Variants in FRMPD2 observed in about 807,000 individuals in gnomAD.
The protein encoded by FRMPD2 is FERM and PDZ domain-containing protein 2.
A neutral mutation model predicts 140.1 loss-of-function variants in FRMPD2; 96 were observed. That is an observed-to-expected ratio of 0.69 (90% confidence interval 0.58 to 0.81). The LOEUF (loss-of-function observed/expected upper bound fraction) is 0.81, where lower values mean the gene tolerates loss of function less well. FRMPD2 is among the 40% of genes least tolerant of loss of function. FRMPD2 has a pLI of 0.00. For missense variants in FRMPD2, 1,240 were observed against 1,447.4 expected (o/e 0.86, Z 2.32); for synonymous variants, 449 against 547.6 (o/e 0.82, Z 2.52).
chr10:48,161,113 C>G (rs2132385544), intron 28 of FRMPD2, among the ~76,000 whole-genome samples: 1 of 151,322 alleles, frequency 6.6e-6, no homozygotes, highest in South Asian at 2.1e-4. Flanking sequence ...ATACTGAGAA[C>G]AGTAAAGCTG....
At chr10:48,238,307 C>T (rs1269214918) in intron 7 of FRMPD2, among the ~76,000 whole-genome samples, 184 bp from the exon 8 acceptor site, 1 of 152,086 alleles carries the variant, frequency 6.6e-6, no homozygotes, top group Non-Finnish European at 1.5e-5. Flanking sequence ...CTGGAGAAGC[C>T]AGGCTGCACA....
At chr10:48,195,551 G>C (rs1191679417) in intron 15 of FRMPD2, among the ~76,000 whole-genome samples, 1 of 152,120 alleles carries the variant, frequency 6.6e-6, no homozygotes, top group African/African-American at 2.4e-5. Flanking sequence ...ACAATACTGG[G>C]CTTGAGATTG....
At chr10:48,168,084 C>A (rs1277540370) in intron 27 of FRMPD2, among the ~76,000 whole-genome samples, 1 of 147,742 alleles carries the variant, frequency 6.8e-6, no homozygotes, top group East Asian at 1.9e-4. Flanking sequence ...CACACACACA[C>A]ACTCATTCTA....
chr10:48,189,422 T>C (rs1275284926), intron 16 of FRMPD2, among the ~76,000 whole-genome samples: 1 of 152,260 alleles, frequency 6.6e-6, no homozygotes, highest in African/African-American at 2.4e-5. Flanking sequence ...AGGCAGCCAC[T>C]GGCACCACGT....
At chr10:48,269,578 G>T (rs1239114051) in intron 1 of FRMPD2, among the ~76,000 whole-genome samples, 2 of 152,222 alleles carry the variant, frequency 1.3e-5, no homozygotes, top group Non-Finnish European at 2.9e-5. Context: ...ACCTCTGGCT[G>T]ATGGGACTCA....
chr10:48,194,563 G>A (rs1018528669), intron 15 of FRMPD2, among the ~76,000 whole-genome samples: 12 of 152,210 alleles, frequency 7.9e-5, no homozygotes, highest in African/African-American at 2.9e-4. Flanking sequence ...AGACTGTACA[G>A]AGACTGTGAT....
At chr10:48,225,405 C>T (rs986979351) in intron 10 of FRMPD2, among the ~76,000 whole-genome samples, 1 of 152,196 alleles carries the variant, frequency 6.6e-6, no homozygotes, top group African/African-American at 2.4e-5. Flanking sequence ...GGACAGCCAG[C>T]CGCACAAGGA....
Position 48,222,423 on chromosome 10 carries a change from G to T in FRMPD2, c.1345C>A (p.Leu449Met). 1 of 1,614,114 alleles carries T rather than the reference G, an allele frequency of 6.2e-7. No homozygotes were observed. Among genetic ancestry groups the T allele is most frequent in the Non-Finnish European group, 8.5e-7 (1 of 1,179,980 alleles). ...TCCAGGATATCTTTCCGAAGCTGCA[G>T]GTAAAACTGGTGCCTTGTCAGGCTG... ...QHSLTRHQFY[L>M]QLRKDILEER... The change falls in exon 12 of 29, where the codon CTG (leucine) becomes ATG (methionine). Residue 449 changes from leucine (L) to methionine (M), a missense_variant. This residue lies in a region of FRMPD2 where 1,161 missense variants were observed against 1,055.9 expected (regional missense o/e 1.10). Transcript: ENST00000374201.
intron 10 of FRMPD2, among the ~76,000 whole-genome samples, chr10:48,230,151 T>C (rs1449889342): frequency 6.6e-6 from 1 of 152,242 alleles, no homozygotes; most frequent in Non-Finnish European, 1.5e-5. Context: ...TTGTATGTTA[T>C]CTATAGTTTA....
At chr10:48,200,337 A>C (rs1286540583) in intron 15 of FRMPD2, among the ~76,000 whole-genome samples, 1 of 152,106 alleles carries the variant, frequency 6.6e-6, no homozygotes, top group Non-Finnish European at 1.5e-5. Context: ...GCCTCCTCGA[A>C]TCAGGGCTCA....
intron 10 of FRMPD2, among the ~76,000 whole-genome samples, chr10:48,228,119 T>C (rs1318045898): frequency 6.6e-6 from 1 of 152,146 alleles, no homozygotes; most frequent in Non-Finnish European, 1.5e-5. Context: ...GGTTCTTTGC[T>C]TCTGTGGTAT....
intron 1 of FRMPD2, among the ~76,000 whole-genome samples, chr10:48,270,720 CCT>C (rs1193730703): frequency 6.6e-6 from 1 of 152,010 alleles, no homozygotes; most frequent in Admixed American, 6.6e-5. Context: ...CCTCTTTCAA[CCT>C]CTCTTATTTG....
chr10:48,274,092 A>G (rs1397038703), intron 1 of FRMPD2, among the ~76,000 whole-genome samples: 1 of 152,218 alleles, frequency 6.6e-6, no homozygotes, highest in Non-Finnish European at 1.5e-5. Context: ...AGTGACAGCC[A>G]TGATTTACTG....
chr10:48,186,553 C>A lies in FRMPD2; in HGVS notation c.2266+639G>T, dbSNP rs545514288. On this transcript the variant is annotated intron_variant, in intron 17 of 28. Coordinates refer to ENST00000374201, the MANE Select transcript of FRMPD2 (RefSeq NM_001018071.4). The stretch of plus-strand genomic sequence containing the variant: ...GGGGTTTCCGCTTTTGTTTCTTCCT[C>A]ATTTTTCTCTTGCTGCCATCATGTA... Among the ~76,000 whole-genome samples, 20 of 152,308 alleles carry A rather than the reference C, an allele frequency of 1.3e-4. No individual in the cohort carries two copies. In the East Asian group the frequency reaches 3.7e-3, roughly 28 times the overall value.
intron 1 of FRMPD2, among the ~76,000 whole-genome samples, chr10:48,266,579 A>G (rs1269209595): frequency 1.3e-5 from 2 of 152,244 alleles, no homozygotes; most frequent in Admixed American, 1.3e-4. Context: ...AGCAAAGGCA[A>G]TTAGTCTTGA....
intron 9 of FRMPD2, 50 bp downstream of exon 9, chr10:48,236,432 C>G: frequency 6.5e-7 from 1 of 1,547,950 alleles, no homozygotes; most frequent in Non-Finnish European, 8.9e-7. Context: ...CCGCAACTGC[C>G]CACTTCCCTC....
intron 1 of FRMPD2, among the ~76,000 whole-genome samples, chr10:48,258,234 GAA>G (rs776108168): frequency 5.9e-5 from 9 of 152,230 alleles, no homozygotes; most frequent in Non-Finnish European, 1.2e-4. Flanking sequence ...CCTGAAGGAG[GAA>G]AAGACTATCC....
intron 15 of FRMPD2, among the ~76,000 whole-genome samples, chr10:48,197,245 G>A (rs1366436433): frequency 6.6e-6 from 1 of 152,078 alleles, no homozygotes; most frequent in Non-Finnish European, 1.5e-5. Flanking sequence ...ATATGAATTG[G>A]CTGGCACTGA....
intron 7 of FRMPD2, among the ~76,000 whole-genome samples, chr10:48,238,359 G>A (rs1052196819): frequency 5.9e-5 from 9 of 152,166 alleles, no homozygotes; most frequent in Admixed American, 2.0e-4. Context: ...AGGCACAGTC[G>A]ACTTCTCCAC....
Sources: gnomAD v4.1 joint callset for allele counts (sites outside exome capture counted in the v4.1 genomes callset) on GRCh38, gnomAD v4.1.1 for gene constraint, gnomAD v4.1.1 regional missense constraint, MANE v1.5 for transcripts, NCBI Gene and HGNC (gene_info 2026-07-23, HGNC 2026-07-21) for gene names.